The following SH3BGRL variants were observed in gnomAD, a reference collection of about 807,000 sequenced individuals.
The protein encoded by SH3BGRL is adapter SH3BGRL.
In SH3BGRL, 7 loss-of-function variants were observed where a neutral mutation model predicts 9.8. The observed-to-expected ratio is 0.72, with a 90% CI of 0.41 to 1.35. The LOEUF (loss-of-function observed/expected upper bound fraction) is 1.35, where lower values mean the gene tolerates loss of function less well. SH3BGRL is among the 40% of genes most tolerant of loss of function. SH3BGRL has a pLI of 0.01. For synonymous variants in SH3BGRL, 36 were observed against 29.1 expected, an observed-to-expected ratio of 1.24 and a Z score of -0.76; for missense variants, 73 against 84.4, an observed-to-expected ratio of 0.86 and a Z score of 0.53.
intron 3 of SH3BGRL, among the ~76,000 whole-genome samples, chrX:81,280,459 A>T (rs903298148): frequency 3.6e-5 from 4 of 111,732 alleles, no homozygotes; most frequent in Non-Finnish European, 7.5e-5. Context: ...ACTGGTATGC[A>T]TGGCTGAGAG....
chrX:81,297,512 C>G lies in SH3BGRL; in HGVS notation c.*285C>G. The G allele has an allele frequency of 5.5e-6, 1 of 180,211 alleles. No homozygotes were observed. The highest frequency in any genetic ancestry group is 1.0e-5 in the Non-Finnish European group (1 of 96,944). 14.9% of individuals were successfully genotyped at this position (180,211 alleles called of 1,213,427 possible). On this transcript the variant is annotated 3_prime_UTR_variant, in exon 4 of 4. Coordinates refer to ENST00000373212, the MANE Select transcript of SH3BGRL (RefSeq NM_003022.3). ...CATCCTGTATACACCAATGATTTTACAAAGAAAACACCCTTCCCTCCTTCT... is the reference window on the plus strand; with the variant it reads ...CATCCTGTATACACCAATGATTTTAGAAAGAAAACACCCTTCCCTCCTTCT...
chrX:81,221,300 G>A (rs139975809), intron 1 of SH3BGRL, among the ~76,000 whole-genome samples: 120 of 110,948 alleles, frequency 1.1e-3, no homozygotes, highest in African/African-American at 3.7e-3. Context: ...GTGCTCCAGC[G>A]GTTGTTGCAT....
intron 1 of SH3BGRL, among the ~76,000 whole-genome samples, chrX:81,234,030 A>T (rs955420538): frequency 4.5e-5 from 5 of 111,574 alleles, no homozygotes; most frequent in African/African-American, 1.6e-4. Flanking sequence ...TCATCATTCA[A>T]CAGATTATTT....
At chrX:81,230,543 G>A (rs982243765) in intron 1 of SH3BGRL, among the ~76,000 whole-genome samples, 2 of 111,942 alleles carry the variant, frequency 1.8e-5, no homozygotes, top group African/African-American at 6.5e-5. Flanking sequence ...CAGGCTGAGG[G>A]CTAGCAACTG....
At position 81,249,821 on chromosome X, in the gene SH3BGRL, G is replaced by A. The variant is rs1384020489; in HGVS notation, c.46-27163G>A. Among the ~76,000 whole-genome samples, 6 of 111,197 alleles carry A rather than the reference G, an allele frequency of 5.4e-5. 1 individual carries two copies. The Admixed American group carries it at 5.7e-4, about 11-fold the overall frequency. On this transcript the variant is annotated intron_variant, in intron 1 of 3. Coordinates refer to ENST00000373212, the MANE Select transcript of SH3BGRL (RefSeq NM_003022.3). ...GTAGTTAGGAAGAATATCGGTGAAT[G>A]GAAATTTTAATCTTAAAAACTAGTG...
chrX:81,295,375 G>A (rs774071313), intron 3 of SH3BGRL, among the ~76,000 whole-genome samples: 1 of 111,425 alleles, frequency 9.0e-6, no homozygotes, highest in East Asian at 2.8e-4. Context: ...AATCTCACCA[G>A]ATCTGTTGGT....
At chrX:81,290,866 A>G (rs944518871) in intron 3 of SH3BGRL, among the ~76,000 whole-genome samples, 7 of 111,085 alleles carry the variant, frequency 6.3e-5, no homozygotes, top group Non-Finnish European at 1.3e-4. Context: ...TGTACATACA[A>G]AAATTCAAAA....
intron 1 of SH3BGRL, among the ~76,000 whole-genome samples, chrX:81,217,669 A>G (rs771671230): frequency 9.0e-6 from 1 of 111,548 alleles, no homozygotes; most frequent in African/African-American, 3.3e-5. Flanking sequence ...TTTGTGGCCT[A>G]TCATATGATC....
intron 3 of SH3BGRL, among the ~76,000 whole-genome samples, chrX:81,296,701 A>G (rs749613330): frequency 1.8e-5 from 2 of 112,011 alleles, no homozygotes; most frequent in Non-Finnish European, 3.8e-5. Flanking sequence ...CCTATGCTAG[A>G]GGTGAGTACC....
chrX:81,213,796 A>G (rs1019218528), intron 1 of SH3BGRL, among the ~76,000 whole-genome samples: 6 of 112,082 alleles, frequency 5.4e-5, no homozygotes. Context: ...ATTTTTTCAC[A>G]TATGAGTGGA....
intron 1 of SH3BGRL, among the ~76,000 whole-genome samples, chrX:81,235,679 A>T (rs1464443601): frequency 9.0e-6 from 1 of 111,151 alleles, no homozygotes; most frequent in Admixed American, 9.5e-5. Context: ...ATAAGGTTGA[A>T]ATTAGTTCAA....
intron 1 of SH3BGRL, among the ~76,000 whole-genome samples, chrX:81,266,339 A>G (rs2075757013): frequency 8.9e-6 from 1 of 111,766 alleles, no homozygotes; most frequent in African/African-American, 3.3e-5. Context: ...TAGGTCTTAC[A>G]TTTAAGTCTT....
chrX:81,266,746 G>A (rs1309653818), intron 1 of SH3BGRL, among the ~76,000 whole-genome samples: 1 of 112,276 alleles, frequency 8.9e-6, no homozygotes, highest in Non-Finnish European at 1.9e-5. Context: ...TTTGAAGAAA[G>A]TCAGTGGTAG....
chrX:81,221,916 T>C (rs1456449999), intron 1 of SH3BGRL, among the ~76,000 whole-genome samples: 1 of 112,032 alleles, frequency 8.9e-6, no homozygotes, highest in East Asian at 2.8e-4. Flanking sequence ...ATCAAACATA[T>C]TGCAAATAAA....
At chrX:81,282,507 A>C (rs1004928530) in intron 3 of SH3BGRL, among the ~76,000 whole-genome samples, 2 of 112,138 alleles carry the variant, frequency 1.8e-5, no homozygotes, top group Non-Finnish European at 3.8e-5. Flanking sequence ...ATAAAACTGG[A>C]AATCAACTCC....
intron 1 of SH3BGRL, among the ~76,000 whole-genome samples, chrX:81,269,001 T>G (rs2075767348): frequency 1.8e-5 from 2 of 111,835 alleles, no homozygotes; most frequent in Non-Finnish European, 3.8e-5. Context: ...TGATCTTTGT[T>G]GGCTTAAAGT....
At chrX:81,241,681 A>G (rs777083084) in intron 1 of SH3BGRL, among the ~76,000 whole-genome samples, 15 of 111,818 alleles carry the variant, frequency 1.3e-4, no homozygotes, top group Non-Finnish European at 2.6e-4. Flanking sequence ...ACAAGGAGAG[A>G]AGAGTTGCAG....
chrX:81,231,497 T>C (rs1411507757), intron 1 of SH3BGRL, among the ~76,000 whole-genome samples: 1 of 112,756 alleles, frequency 8.9e-6, no homozygotes, highest in Non-Finnish European at 1.9e-5. Context: ...ACTTTCTTTT[T>C]TAAATCAATT....
At chrX:81,220,065 T>G (rs1399848770) in intron 1 of SH3BGRL, among the ~76,000 whole-genome samples, 5 of 111,464 alleles carry the variant, frequency 4.5e-5, no homozygotes, top group African/African-American at 1.6e-4. Context: ...TCAGGGATAT[T>G]GGCCTATAGT....
Sources: gnomAD v4.1 joint callset for allele counts (sites outside exome capture counted in the v4.1 genomes callset) on GRCh38, gnomAD v4.1.1 for gene constraint, MANE v1.5 for transcripts, NCBI Gene and HGNC (gene_info 2026-07-23, HGNC 2026-07-21) for gene names.